Variants in FARP2 observed in about 807,000 individuals in gnomAD.
The protein encoded by FARP2 is FERM, ARH/RhoGEF and pleckstrin domain protein 2.
FARP2 carries 111 observed loss-of-function variants against 130.5 expected under a neutral mutation model. That is an observed-to-expected ratio of 0.85 (90% CI 0.73 to 1.00). The LOEUF is 1.00. Among genes scored for constraint, FARP2 ranks in the 50% least tolerant of loss-of-function variants. The pLI is 0.00. For synonymous variants in FARP2, 504 were observed against 516.9 expected, an observed-to-expected ratio of 0.98 and a Z score of 0.34; for missense variants, 1,385 against 1,346.3, an observed-to-expected ratio of 1.03 and a Z score of -0.45.
intron 2 of FARP2, among the ~76,000 whole-genome samples, chr2:241,384,235 G>A (rs2061733249): frequency 6.6e-6 from 1 of 152,078 alleles, no homozygotes; most frequent in Non-Finnish European, 1.5e-5. Flanking sequence ...AAAAGTATCT[G>A]TTGGCACTTC....
At chr2:241,448,884 G>A (rs1204519056) in intron 13 of FARP2, among the ~76,000 whole-genome samples, 5 of 152,246 alleles carry the variant, frequency 3.3e-5, no homozygotes, top group Admixed American at 3.3e-4. Context: ...CCTTGGGAAA[G>A]CTGTGCCATG....
At chr2:241,406,367 T>C (rs1358639160) in intron 4 of FARP2, among the ~76,000 whole-genome samples, 2 of 150,196 alleles carry the variant, frequency 1.3e-5, no homozygotes, top group African/African-American at 2.4e-5. Context: ...CTCTCTCTCT[T>C]TATATATATA....
intron 18 of FARP2, among the ~76,000 whole-genome samples, chr2:241,474,142 T>C (rs2064388577): frequency 6.6e-6 from 1 of 150,692 alleles, no homozygotes; most frequent in Admixed American, 6.6e-5. Context: ...CCGTCTCTAC[T>C]AAAAATACAA....
intron 13 of FARP2, among the ~76,000 whole-genome samples, chr2:241,454,480 C>T (rs1377613998): frequency 1.3e-5 from 2 of 152,194 alleles, no homozygotes; most frequent in African/African-American, 4.8e-5. Flanking sequence ...AAAATATCTC[C>T]TTGTGAAATT....
At chr2:241,365,594 G>T (rs192553450) in intron 1 of FARP2, among the ~76,000 whole-genome samples, 6 of 151,952 alleles carry the variant, frequency 3.9e-5, no homozygotes, top group African/African-American at 1.5e-4. Context: ...TACACACACC[G>T]TTTCCTTTTT....
At chr2:241,463,771 C>CT (rs1482855716) in intron 16 of FARP2, 128 bp from the exon 17 acceptor site, 4 of 842,146 alleles carry the variant, frequency 4.7e-6, no homozygotes, top group Non-Finnish European at 5.8e-6. Context: ...GCCCTGCGGC[C>CT]TCTTCCACCT....
intron 13 of FARP2, among the ~76,000 whole-genome samples, chr2:241,453,307 G>A (rs1377520171): frequency 6.6e-6 from 1 of 151,286 alleles, no homozygotes; most frequent in Admixed American, 6.6e-5. Flanking sequence ...TCCAACCTGG[G>A]CGACAGAGAC....
At chr2:241,404,978 T>C (rs1309377022) in intron 4 of FARP2, 137 bp downstream of exon 4, 3 of 582,494 alleles carry the variant, frequency 5.2e-6, no homozygotes, top group Non-Finnish European at 9.1e-6. Flanking sequence ...GCGGACAAAC[T>C]TGGAAGTCAT....
At position 241,373,105 on chromosome 2, in the gene FARP2, A is replaced by G. The variant is rs1349243280; in HGVS notation, c.-3A>G. 34 of 1,366,526 alleles carry G rather than the reference A, an allele frequency of 2.5e-5. No individual in the cohort carries two copies. The highest frequency in any genetic ancestry group is 3.2e-5 in the Non-Finnish European group (33 of 1,045,164). 84.7% of individuals were successfully genotyped at this position (1,366,526 alleles called of 1,614,324 possible). On this transcript the variant is annotated 5_prime_UTR_variant, in exon 2 of 27. Coordinates refer to ENST00000264042, the MANE Select transcript of FARP2 (RefSeq NM_014808.4). ...TTAGTGTTTTCTTCACTCATGGTGA[A>G]GAATGGGGGAGATAGAAGGAACATA...
rs1277221621 is a variant in FARP2, at chr2:241,493,294, A to ATGAC, written c.2899_2902dup (p.Tyr968Ter). The ATGAC allele has an allele frequency of 2.5e-6, 4 of 1,613,712 alleles. No individual in the cohort carries two copies. Among genetic ancestry groups the ATGAC allele is most frequent in the Non-Finnish European group, 3.4e-6 (4 of 1,179,966 alleles). On this transcript the variant is annotated frameshift_variant and splice_region_variant, in exon 26 of 27. Transcript: ENST00000264042. LOFTEE classifies it high-confidence loss of function. ...CCGTGTCCCTATGCTGTCTTGCAGGATGACTACCCACTGGCCAGCCTCCCG... is the reference window on the plus strand; with the variant it reads ...CCGTGTCCCTATGCTGTCTTGCAGGATGACTGACTACCCACTGGCCAGCCTCCCG...
At position 241,494,186 on chromosome 2, in the gene FARP2, C is replaced by CTG; in HGVS notation, c.*63_*64dup. On this transcript the variant is annotated 3_prime_UTR_variant, in exon 27 of 27. Coordinates refer to ENST00000264042, the MANE Select transcript of FARP2 (RefSeq NM_014808.4). The surrounding 1 kb of genome is among the most constrained non-coding windows in gnomAD (Gnocchi z 4.9). The stretch of plus-strand genomic sequence containing the variant: ...GAACAGCAGGACACAGAGGTGACCT[C>CTG]TGTCCTGAGGCTTCTCAACAGATGG... 4.7e-6 allele frequency: 5 copies of CTG among 1,061,084 alleles called. No individual in the cohort carries two copies. Among genetic ancestry groups the CTG allele is most frequent in the Non-Finnish European group, 6.6e-6 (5 of 756,682 alleles). 65.7% of individuals were successfully genotyped at this position (1,061,084 alleles called of 1,614,324 possible).
chr2:241,462,776 G>A (rs567791665), intron 15 of FARP2, among the ~76,000 whole-genome samples, 164 bp downstream of exon 15: 27 of 151,860 alleles, frequency 1.8e-4, no homozygotes, highest in African/African-American at 5.8e-4. Context: ...TGCAACCTCC[G>A]CCTTCTGGGT....
In FARP2 at chr2:241,494,030, G is replaced by A. The variant is rs1208409868; in HGVS notation, c.3070G>A (p.Ala1024Thr). The change falls in exon 27 of 27, where the codon GCC becomes ACC. Residue 1024 changes from alanine to threonine, a missense_variant. Coordinates refer to ENST00000264042, the MANE Select transcript of FARP2 (RefSeq NM_014808.4). This position sits in a 1 kb window ranked among gnomAD's most constrained non-coding sequence, Gnocchi z 4.9. ...FERWMEVIQG[A>T]SSSAGRAPSI... is the part of the protein sequence containing the mutation. ...CAGGTGGATGGAGGTGATCCAGGGG[G>A]CCAGCAGCTCAGCCGGGAGGGCCCC... The A allele has an allele frequency of 1.4e-5, 19 of 1,403,382 alleles. No homozygotes were observed. Among genetic ancestry groups the A allele is most frequent in the Non-Finnish European group, 1.8e-5 (19 of 1,076,766 alleles). The allele number at this position is 1,403,382 out of a possible 1,614,324, so 86.9% of individuals were successfully genotyped here.
chr2:241,389,995 C>G (rs2061870319), intron 2 of FARP2, among the ~76,000 whole-genome samples: 1 of 152,156 alleles, frequency 6.6e-6, no homozygotes, highest in Non-Finnish European at 1.5e-5. Context: ...TCTTCTAAGC[C>G]AAACTGGGCC....
In FARP2 at chr2:241,463,417, A is replaced by G. The variant is rs1218491442; in HGVS notation, c.1760A>G (p.Tyr587Cys). 8 of 1,613,992 alleles carry G rather than the reference A, an allele frequency of 5.0e-6. No homozygotes were observed. Among genetic ancestry groups the G allele is most frequent in the African/African-American group, 2.7e-5 (2 of 74,916 alleles). The change falls in exon 16 of 27, where the codon TAT becomes TGT. Residue 587 changes from tyrosine to cysteine, a missense_variant. Physicochemically the swap from Tyr to Cys is radical, Grantham distance 194. Coordinates refer to ENST00000264042, the MANE Select transcript of FARP2 (RefSeq NM_014808.4). Reference protein sequence around the residue: ...TLLFSNIDPIYEFHRGFLREV... With the variant: ...TLLFSNIDPICEFHRGFLREV... ...CTCTTCTCCAACATCGATCCCATCT[A>G]TGAGTTCCACAGAGGCTTCCTGCGC...
intron 8 of FARP2, among the ~76,000 whole-genome samples, chr2:241,424,988 A>G (rs1018975798): frequency 3.9e-5 from 6 of 152,270 alleles, no homozygotes; most frequent in African/African-American, 1.4e-4. Flanking sequence ...GGGGCAGATC[A>G]CTTGATGTCA....
chr2:241,447,490 C>T (rs2063538857), intron 13 of FARP2, among the ~76,000 whole-genome samples: 1 of 152,162 alleles, frequency 6.6e-6, no homozygotes, highest in Non-Finnish European at 1.5e-5. Flanking sequence ...CCACCACACC[C>T]CACGGGGCGG....
chr2:241,486,367 T>G (rs1299598441), intron 21 of FARP2, among the ~76,000 whole-genome samples: 1 of 120,366 alleles, frequency 8.3e-6, no homozygotes, highest in Non-Finnish European at 1.6e-5. Flanking sequence ...GAGGCTGAGA[T>G]GGGAGAATCA....
chr2:241,469,274 A>G lies in FARP2; in HGVS notation c.2131+897A>G, dbSNP rs536228524. ...GCTAATTTTTGTATTTTTAGTAGAG[A>G]TAGGGTTTCACCGTGTTGGCCAGGC... On this transcript the variant is annotated intron_variant, in intron 18 of 26. Transcript: ENST00000264042. Among the ~76,000 whole-genome samples the G allele has an allele frequency of 2.6e-5, 4 of 152,048 alleles. No individual in the cohort carries two copies. In the South Asian group the frequency reaches 6.2e-4, roughly 24 times the overall value.
Sources: allele counts gnomAD v4.1 joint callset (sites outside exome capture counted in the v4.1 genomes callset), GRCh38; gene constraint gnomAD v4.1.1; non-coding constraint Gnocchi (gnomAD v3.1); transcripts MANE v1.5; gene names NCBI Gene and HGNC (gene_info 2026-07-23, HGNC 2026-07-21).